RANBP2: variants seen among roughly 807,000 people sequenced by gnomAD.
RANBP2 encodes the protein RAN binding protein 2.
A neutral mutation model predicts 303.6 loss-of-function variants in RANBP2; 57 were observed. That is an observed-to-expected ratio of 0.19 (90% CI 0.15 to 0.23). The LOEUF is 0.23. RANBP2 is among the 10% of genes least tolerant of loss of function. The pLI, the probability that RANBP2 is intolerant of heterozygous loss-of-function variation, is 1.00. For synonymous variants in RANBP2, 1,167 were observed against 1,301.5 expected, an observed-to-expected ratio of 0.90 and a Z score of 2.23; for missense variants, 3,138 against 3,780.8, an observed-to-expected ratio of 0.83 and a Z score of 4.46.
At chr2:109,151,554 CA>C in the RANBP2 span, among the ~76,000 whole-genome samples, 1 of 152,162 alleles carries the variant, frequency 6.6e-6, no homozygotes, top group Non-Finnish European at 1.5e-5. Flanking sequence ...CCACTGTATC[CA>C]AAATATGTCG....
the RANBP2 span, among the ~76,000 whole-genome samples, chr2:108,942,412 G>C: frequency 6.6e-6 from 1 of 152,216 alleles, no homozygotes; most frequent in East Asian, 1.9e-4. Flanking sequence ...GGCTCCAAGC[G>C]AGTCAAGGGG....
At chr2:109,043,055 A>G in the RANBP2 span, among the ~76,000 whole-genome samples, 2 of 152,198 alleles carry the variant, frequency 1.3e-5, no homozygotes, top group African/African-American at 2.4e-5. Context: ...TTTTATTACA[A>G]TTCAACCAAC....
At chr2:109,476,854 A>G in the RANBP2 span, among the ~76,000 whole-genome samples, 33 of 152,342 alleles carry the variant, frequency 2.2e-4, no homozygotes, top group African/African-American at 7.5e-4. Context: ...TTATTAAACC[A>G]TATCGGGTAA....
the RANBP2 span, among the ~76,000 whole-genome samples, chr2:109,163,929 G>C: frequency 6.6e-6 from 1 of 152,164 alleles, no homozygotes; most frequent in Non-Finnish European, 1.5e-5. Context: ...GCTAGGACTG[G>C]TTTCAGTTTT....
At chr2:108,728,886 C>T (rs527906134) in intron 1 of RANBP2, among the ~76,000 whole-genome samples, 9 of 152,236 alleles carry the variant, frequency 5.9e-5, no homozygotes, top group Admixed American at 1.3e-4. Flanking sequence ...TCAGGTGATC[C>T]GCCCACTTCG....
the RANBP2 span, among the ~76,000 whole-genome samples, chr2:109,778,449 A>G: frequency 4.0e-5 from 6 of 149,906 alleles, no homozygotes; most frequent in African/African-American, 1.5e-4. Context: ...TATTATCTCA[A>G]CAAAGGTGAT....
the RANBP2 span, among the ~76,000 whole-genome samples, chr2:108,853,004 C>T: frequency 6.6e-6 from 1 of 152,196 alleles, no homozygotes; most frequent in Non-Finnish European, 1.5e-5. Flanking sequence ...TTTTGAAATG[C>T]ATTCTGCTCA....
the RANBP2 span, among the ~76,000 whole-genome samples, chr2:108,849,559 C>G: frequency 6.6e-6 from 1 of 152,182 alleles, no homozygotes; most frequent in Non-Finnish European, 1.5e-5. Flanking sequence ...CCTGCCTTCA[C>G]TCTCTAGTCT....
At chr2:109,179,962 C>T in the RANBP2 span, among the ~76,000 whole-genome samples, 1 of 50,862 alleles carries the variant, frequency 2.0e-5, no homozygotes, top group South Asian at 8.6e-4. Flanking sequence ...ATCATTTGGA[C>T]CCAAAGGTGT....
chr2:108,895,852 T>A, the RANBP2 span: 1 of 152,230 alleles, frequency 6.6e-6, no homozygotes, highest in African/African-American at 2.4e-5. Context: ...TCTGAAACTC[T>A]CATGCCATGA....
chr2:109,134,620 C>T, the RANBP2 span, among the ~76,000 whole-genome samples: 10 of 152,238 alleles, frequency 6.6e-5, no homozygotes, highest in East Asian at 3.9e-4. Flanking sequence ...TACACAGGTA[C>T]GGAAATTAAG....
the RANBP2 span, among the ~76,000 whole-genome samples, chr2:109,582,439 C>T: frequency 6.6e-6 from 1 of 152,138 alleles, no homozygotes; most frequent in Non-Finnish European, 1.5e-5. Context: ...CCCACTTCAG[C>T]CTCCCGAGTA....
At chr2:109,149,806 G>A in the RANBP2 span, among the ~76,000 whole-genome samples, 3 of 152,254 alleles carry the variant, frequency 2.0e-5, no homozygotes, top group Admixed American at 6.5e-5. Flanking sequence ...GCTTTGTAGT[G>A]CAGGTATTTT....
At chr2:109,086,654 T>C in the RANBP2 span, among the ~76,000 whole-genome samples, 12 of 152,254 alleles carry the variant, frequency 7.9e-5, no homozygotes, top group Non-Finnish European at 1.6e-4. Flanking sequence ...TGAGATTGCA[T>C]TCCATAAGGC....
intron 8 of RANBP2, among the ~76,000 whole-genome samples, chr2:108,747,980 T>C (rs1291022156): frequency 6.6e-6 from 1 of 152,176 alleles, no homozygotes; most frequent in African/African-American, 2.4e-5. Context: ...CTCTCAGCCT[T>C]GGCAACTGCT....
the RANBP2 span, among the ~76,000 whole-genome samples, chr2:108,821,622 A>G: frequency 4.8e-3 from 726 of 152,172 alleles, 5 homozygotes; most frequent in Admixed American, 0.01. Context: ...TACAAAACAT[A>G]CAGAAAAAAA....
the RANBP2 span, among the ~76,000 whole-genome samples, chr2:109,471,137 C>G: frequency 7.0e-6 from 1 of 141,874 alleles, no homozygotes; most frequent in Non-Finnish European, 1.5e-5. Flanking sequence ...CACTTGAACC[C>G]AGGGGGCAGA....
chr2:108,794,890 T>C, the RANBP2 span, among the ~76,000 whole-genome samples: 2 of 152,088 alleles, frequency 1.3e-5, no homozygotes, highest in African/African-American at 2.4e-5. Context: ...AAGGGAAAAA[T>C]ACAGTGGCTG....
At chr2:108,865,564 C>T in the RANBP2 span, among the ~76,000 whole-genome samples, 1 of 152,196 alleles carries the variant, frequency 6.6e-6, no homozygotes, top group Non-Finnish European at 1.5e-5. Flanking sequence ...CACCAATCAG[C>T]CCTGACAGAA....
Sources: allele counts gnomAD v4.1 joint callset (sites outside exome capture counted in the v4.1 genomes callset), GRCh38; gene constraint gnomAD v4.1.1; transcripts MANE v1.5; gene names NCBI Gene and HGNC (gene_info 2026-07-23, HGNC 2026-07-21).